STIM1: variants seen among roughly 807,000 people sequenced by gnomAD.
The protein encoded by STIM1 is stromal interaction molecule 1.
In STIM1, 25 loss-of-function variants were observed where a neutral mutation model predicts 74.7. The ratio of observed to expected loss-of-function variants is 0.33; its 90% CI spans 0.24 to 0.47. The LOEUF (loss-of-function observed/expected upper bound fraction) is 0.47. Among genes scored for constraint, STIM1 ranks in the 20% least tolerant of loss-of-function variants. The probability of loss-of-function intolerance (pLI) is 1.00; values close to 1 mark genes in which losing one functional copy is unlikely to be tolerated. For missense variants in STIM1, 728 were observed against 920.8 expected, an observed-to-expected ratio of 0.79 and a Z score of 2.71; for synonymous variants, 328 against 348.8, an observed-to-expected ratio of 0.94 and a Z score of 0.66.
At chr11:4,076,259 G>A (rs2094436328) in intron 7 of STIM1, among the ~76,000 whole-genome samples, 1 of 151,866 alleles carries the variant, frequency 6.6e-6, no homozygotes, top group Admixed American at 6.6e-5. Context: ...GCTGAGGTGG[G>A]CAGATTACTT....
At chr11:3,941,481 G>A (rs1329356087) in intron 1 of STIM1, among the ~76,000 whole-genome samples, 4 of 152,060 alleles carry the variant, frequency 2.6e-5, no homozygotes, top group African/African-American at 7.2e-5. Context: ...GGGTTAAGCA[G>A]TAGATGTGTA....
intron 1 of STIM1, among the ~76,000 whole-genome samples, chr11:3,856,901 C>T (rs1266130665): frequency 6.6e-6 from 1 of 152,186 alleles, no homozygotes; most frequent in Admixed American, 6.5e-5. Flanking sequence ...ACCCTAGTCC[C>T]ACCCTTCCCT....
chr11:4,014,950 A>G (rs2093880907), intron 2 of STIM1, among the ~76,000 whole-genome samples: 1 of 152,158 alleles, frequency 6.6e-6, no homozygotes, highest in South Asian at 2.1e-4. Flanking sequence ...GTGTCTTTAC[A>G]CGTGAGATGG....
intron 1 of STIM1, among the ~76,000 whole-genome samples, chr11:3,963,283 G>C (rs1565129620): frequency 6.6e-6 from 1 of 152,058 alleles, no homozygotes; most frequent in African/African-American, 2.4e-5. Context: ...GTTTCCCTCT[G>C]TGTATCCATG....
rs376556096 is a variant in STIM1 at position 3,979,674 on chromosome 11, A to G, written c.270+11992A>G. On this transcript the variant is annotated intron_variant, in intron 2 of 12. Transcript: ENST00000526596. ...AGTCTGGTATTGAACTCCTGGTCTCAAGCAACCCCTCACCTCAGCCTCCCA... is the reference window on the plus strand; with the variant it reads ...AGTCTGGTATTGAACTCCTGGTCTCGAGCAACCCCTCACCTCAGCCTCCCA... 2.2e-4 allele frequency among the ~76,000 whole-genome samples: 34 copies of G among 152,254 alleles called. No individual in the cohort carries two copies. The East Asian group carries it at 5.6e-3, about 25-fold the overall frequency.
rs148656749 is a variant in STIM1 at position 3,905,309 on chromosome 11, G to A, written c.139+48900G>A. On this transcript the variant is annotated intron_variant, in intron 1 of 12. Transcript: ENST00000526596. The stretch of plus-strand genomic sequence containing the variant: ...AGACTTTTTTGAGAAATATAGTTGC[G>A]AGGGAAGGAAGGAAAGAGGGTGGTA... 7.3e-3 allele frequency among the ~76,000 whole-genome samples: 1,110 copies of A among 152,040 alleles called. 18 individuals carry two copies. Among genetic ancestry groups the A allele is most frequent in the African/African-American group, 0.022 (909 of 41,480 alleles).
At chr11:4,024,997 A>T (rs771595157) in intron 3 of STIM1, among the ~76,000 whole-genome samples, 1 of 152,196 alleles carries the variant, frequency 6.6e-6, no homozygotes, top group Non-Finnish European at 1.5e-5. Context: ...GGTTAAATGT[A>T]AGTAACCATC....
chr11:3,904,746 G>A (rs2092434462), intron 1 of STIM1, among the ~76,000 whole-genome samples: 1 of 152,130 alleles, frequency 6.6e-6, no homozygotes, highest in Non-Finnish European at 1.5e-5. Context: ...GCATTACTGT[G>A]ATGCTGTTAA....
intron 2 of STIM1, among the ~76,000 whole-genome samples, chr11:4,010,696 A>G (rs1304736228): frequency 2.0e-5 from 3 of 151,978 alleles, no homozygotes; most frequent in African/African-American, 7.2e-5. Context: ...GCCTGTTTCT[A>G]TGGGTTCTGC....
At chr11:4,081,165 G>A (rs1207239827) in intron 7 of STIM1, among the ~76,000 whole-genome samples, 1 of 152,130 alleles carries the variant, frequency 6.6e-6, no homozygotes, top group Non-Finnish European at 1.5e-5. Context: ...CTGAAGCTGG[G>A]GATAATAAGA....
chr11:3,869,013 G>T (rs1349130602), intron 1 of STIM1, among the ~76,000 whole-genome samples: 5 of 151,770 alleles, frequency 3.3e-5, no homozygotes, highest in East Asian at 1.9e-4. Context: ...CTGTCGCCCA[G>T]GCTGGAGTGC....
chr11:3,981,179 C>T lies in STIM1; in HGVS notation c.270+13497C>T, dbSNP rs567316498. Among the ~76,000 whole-genome samples, 8 of 152,268 alleles carry T rather than the reference C, an allele frequency of 5.3e-5. No homozygotes were observed. The South Asian group carries it at 8.3e-4, about 16-fold the overall frequency. The stretch of plus-strand genomic sequence containing the variant: ...TCCTGACCTTGTGATCCATCTGCCT[C>T]GGGCTCCCAAAGCGCTGGGATTATA... On this transcript the variant is annotated intron_variant, in intron 2 of 12. Coordinates refer to ENST00000526596, the MANE Select transcript of STIM1 (RefSeq NM_001382567.1).
chr11:4,043,756 C>T (rs548836362), intron 3 of STIM1, among the ~76,000 whole-genome samples: 2 of 152,178 alleles, frequency 1.3e-5, no homozygotes, highest in South Asian at 4.1e-4. Context: ...GTGGCTCATG[C>T]TTGTAATCCC....
At chr11:3,979,621 G>A (rs150970275) in intron 2 of STIM1, among the ~76,000 whole-genome samples, 20 of 152,078 alleles carry the variant, frequency 1.3e-4, no homozygotes, top group African/African-American at 4.3e-4. Context: ...AACTATTTTT[G>A]TAGAGACAGG....
At chr11:3,914,734 CT>C in intron 1 of STIM1, among the ~76,000 whole-genome samples, 1 of 152,204 alleles carries the variant, frequency 6.6e-6, no homozygotes, top group Non-Finnish European at 1.5e-5. Context: ...GCTACCGCCC[CT>C]GGCCTGTTTT....
At chr11:3,998,826 T>A (rs2093685469) in intron 2 of STIM1, among the ~76,000 whole-genome samples, 1 of 152,140 alleles carries the variant, frequency 6.6e-6, no homozygotes, top group Non-Finnish European at 1.5e-5. Flanking sequence ...GAGCACCTTG[T>A]GCAAAATCTT....
chr11:4,046,127 C>CA (rs2094191862), intron 3 of STIM1, among the ~76,000 whole-genome samples: 1 of 116,182 alleles, frequency 8.6e-6, no homozygotes, highest in African/African-American at 3.2e-5. Context: ...TGCAGTGGTG[C>CA]GATCTCAGCT....
chr11:3,935,940 A>T (rs2092926529), intron 1 of STIM1, among the ~76,000 whole-genome samples: 1 of 152,198 alleles, frequency 6.6e-6, no homozygotes, highest in Non-Finnish European at 1.5e-5. Context: ...AGGTATTTAC[A>T]ATTCTTTTAA....
At chr11:3,904,471 T>G (rs2092427210) in intron 1 of STIM1, among the ~76,000 whole-genome samples, 1 of 152,082 alleles carries the variant, frequency 6.6e-6, no homozygotes, top group African/African-American at 2.4e-5. Context: ...CGAATGACCT[T>G]GTATTTTATG....
Sources: gnomAD v4.1 joint callset for allele counts (sites outside exome capture counted in the v4.1 genomes callset) on GRCh38, gnomAD v4.1.1 for gene constraint, MANE v1.5 for transcripts, NCBI Gene and HGNC (gene_info 2026-07-23, HGNC 2026-07-21) for gene names.